Variants in MERTK observed in about 807,000 individuals in gnomAD.
MERTK encodes MER proto-oncogene, tyrosine kinase, also known as tyrosine-protein kinase Mer.
Under a neutral mutation model 99.3 loss-of-function variants are expected in MERTK, and 69 were observed. The ratio of observed to expected loss-of-function variants is 0.70; its 90% CI spans 0.57 to 0.85. The LOEUF (loss-of-function observed/expected upper bound fraction) is 0.85. Among genes scored for constraint, MERTK ranks in the 40% least tolerant of loss-of-function variants. The pLI is 0.00. For synonymous variants in MERTK, 426 were observed against 467.6 expected, an observed-to-expected ratio of 0.91 and a Z score of 1.15; for missense variants, 1,125 against 1,249.4, an observed-to-expected ratio of 0.90 and a Z score of 1.50.
At chr2:111,898,871 G>C in intron 1 of MERTK, 75 bp downstream of exon 1, 1 of 1,457,106 alleles carries the variant, frequency 6.9e-7, no homozygotes, top group South Asian at 1.3e-5. Flanking sequence ...TGGGGAGGGA[G>C]CGCGTCCACA....
intron 2 of MERTK, among the ~76,000 whole-genome samples, chr2:111,933,893 C>T (rs1197751575): frequency 7.0e-6 from 1 of 141,904 alleles, no homozygotes; most frequent in African/African-American, 2.6e-5. Flanking sequence ...CAACAGGCCC[C>T]GATGTGTGAA....
chr2:111,975,512 CAT>C lies in MERTK; in HGVS notation c.1144+41_1144+42del, dbSNP rs774762969. The C allele has an allele frequency of 6.9e-6, 11 of 1,597,250 alleles. No homozygotes were observed. The Admixed American group carries it at 8.3e-5, about 12-fold the overall frequency. On this transcript the variant is annotated intron_variant, in intron 7 of 18. Transcript: ENST00000295408. The stretch of plus-strand genomic sequence containing the variant: ...TCAGAATGTATATTGCCCCCAATGA[CAT>C]GTGATTCAACAAACCCTTCCCAGTG...
chr2:111,910,394 C>T (rs937610624), intron 1 of MERTK, among the ~76,000 whole-genome samples: 5 of 152,110 alleles, frequency 3.3e-5, no homozygotes, highest in East Asian at 3.9e-4. Flanking sequence ...CTCGGCACCC[C>T]GAGTAGCTGG....
intron 2 of MERTK, among the ~76,000 whole-genome samples, chr2:111,937,845 G>A (rs1684791166): frequency 6.6e-6 from 1 of 152,050 alleles, no homozygotes; most frequent in Non-Finnish European, 1.5e-5. Context: ...ACGGTGGCAG[G>A]TAAAAACAGG....
At chr2:111,991,208 T>G (rs1460359897) in intron 8 of MERTK, among the ~76,000 whole-genome samples, 1 of 152,176 alleles carries the variant, frequency 6.6e-6, no homozygotes, top group Non-Finnish European at 1.5e-5. Flanking sequence ...TCAAAACTAG[T>G]TTGCAGTAAA....
chr2:111,994,745 C>CCTG, intron 9 of MERTK: 3 of 347,184 alleles, frequency 8.6e-6, no homozygotes, highest in South Asian at 2.4e-5. Flanking sequence ...CACCACTGTA[C>CCTG]TCTAGCTAGG....
chr2:112,019,425 C>A lies in MERTK; in HGVS notation c.2092C>A (p.Gln698Lys), dbSNP rs761295704. ...CTCTATCATCTAGCATATTCCTCTG[C>A]AGACACTATTGAAGTTCATGGTGGA... ...LETGPKHIPL[Q>K]TLLKFMVDIA... The change falls in exon 16 of 19, where the codon CAG becomes AAG. Residue 698 changes from glutamine to lysine, a missense_variant. Gln to Lys is a moderately conservative substitution (Grantham distance 53, BLOSUM62 1). Transcript: ENST00000295408. 1.4e-5 allele frequency: 22 copies of A among 1,611,284 alleles called. No homozygotes were observed. In the South Asian group the frequency reaches 2.2e-4, roughly 16 times the overall value.
intron 15 of MERTK, among the ~76,000 whole-genome samples, chr2:112,012,946 C>G (rs2104415755): frequency 6.6e-6 from 1 of 152,288 alleles, no homozygotes; most frequent in Admixed American, 6.5e-5. Flanking sequence ...TCAGCACATG[C>G]TGGAGCCTCC....
At chr2:111,939,862 C>G (rs1374692601) in intron 2 of MERTK, among the ~76,000 whole-genome samples, 1 of 151,840 alleles carries the variant, frequency 6.6e-6, no homozygotes, top group Non-Finnish European at 1.5e-5. Context: ...TCCTAAGTAT[C>G]AATCACTCAT....
intron 13 of MERTK, among the ~76,000 whole-genome samples, chr2:112,007,188 T>C (rs1480572009): frequency 6.6e-6 from 1 of 152,216 alleles, no homozygotes; most frequent in Non-Finnish European, 1.5e-5. Context: ...GGAGTCTCGC[T>C]CTGTTGCCCA....
At chr2:111,994,630 T>A (rs1676697104) in intron 9 of MERTK, 2 of 565,686 alleles carry the variant, frequency 3.5e-6, no homozygotes, top group African/African-American at 3.7e-5. Flanking sequence ...ATTTTTAAAA[T>A]TTGCTGGGCA....
At chr2:111,991,287 G>A (rs542612897) in intron 8 of MERTK, among the ~76,000 whole-genome samples, 5 of 152,266 alleles carry the variant, frequency 3.3e-5, no homozygotes, top group Middle Eastern at 6.8e-3. Flanking sequence ...GTGTGGTGGC[G>A]TGATCTTGGC....
intron 2 of MERTK, among the ~76,000 whole-genome samples, chr2:111,944,035 A>G (rs947329267): frequency 3.3e-5 from 5 of 152,160 alleles, no homozygotes; most frequent in Admixed American, 6.5e-5. Flanking sequence ...ATGGTGGCTC[A>G]TGCCCATAAT....
intron 1 of MERTK, among the ~76,000 whole-genome samples, chr2:111,914,814 AT>A (rs755928513): frequency 6.6e-6 from 1 of 151,796 alleles, no homozygotes; most frequent in Non-Finnish European, 1.5e-5. Context: ...TTTGTTAATA[AT>A]TTTTTTGTGT....
intron 5 of MERTK, 80 bp downstream of exon 5, chr2:111,965,357 G>A: frequency 7.3e-7 from 1 of 1,367,948 alleles, no homozygotes; most frequent in Non-Finnish European, 1.0e-6. Flanking sequence ...TGGCTGCCTG[G>A]GTGTGGATCC....
chr2:111,933,589 G>GT (rs1684712429), intron 2 of MERTK, among the ~76,000 whole-genome samples: 1 of 152,096 alleles, frequency 6.6e-6, no homozygotes, highest in Non-Finnish European at 1.5e-5. Flanking sequence ...AGAAATTCCC[G>GT]TAAGAATAGG....
chr2:111,926,908 G>C (rs1684578708), intron 1 of MERTK, among the ~76,000 whole-genome samples: 1 of 152,206 alleles, frequency 6.6e-6, no homozygotes, highest in Admixed American at 6.5e-5. Flanking sequence ...GGTTTGCCTG[G>C]CATGTGGGCT....
intron 1 of MERTK, among the ~76,000 whole-genome samples, chr2:111,916,264 A>T (rs958543182): frequency 6.6e-6 from 1 of 152,084 alleles, no homozygotes; most frequent in African/African-American, 2.4e-5. Flanking sequence ...AAGTGCTGGG[A>T]TTACAGGCGA....
chr2:111,943,525 C>T (rs574361081), intron 2 of MERTK, among the ~76,000 whole-genome samples: 5 of 152,148 alleles, frequency 3.3e-5, no homozygotes, highest in African/African-American at 7.2e-5. Flanking sequence ...GGTGACAGAG[C>T]GAGACCCCAT....
Sources: allele counts gnomAD v4.1 joint callset (sites outside exome capture counted in the v4.1 genomes callset), GRCh38; gene constraint gnomAD v4.1.1; transcripts MANE v1.5; gene names NCBI Gene and HGNC (gene_info 2026-07-23, HGNC 2026-07-21).